The following UNC80 variants were observed in gnomAD, a reference collection of about 807,000 sequenced individuals.
UNC80 encodes unc-80 subunit of NALCN channel complex, also known as protein unc-80 homolog.
UNC80 carries 164 observed loss-of-function variants against 384.6 expected under a neutral mutation model. That is an observed-to-expected ratio of 0.43 (90% CI 0.38 to 0.49). The LOEUF is 0.49. UNC80 is among the 20% of genes least tolerant of loss of function. The pLI is 0.00. For synonymous variants in UNC80, 1,486 were observed against 1,527.8 expected (o/e 0.97, Z 0.64); for missense variants, 3,330 against 4,143.0 (o/e 0.80, Z 5.39).
At chr2:209,938,887 C>T (rs1038113473) in intron 42 of UNC80, among the ~76,000 whole-genome samples, 8 of 152,084 alleles carry the variant, frequency 5.3e-5, no homozygotes, top group Non-Finnish European at 1.2e-4. Flanking sequence ...CAGAAGTTTC[C>T]TCAGTAGCTA....
intron 22 of UNC80, among the ~76,000 whole-genome samples, chr2:209,863,634 G>A (rs1302293867): frequency 6.6e-6 from 1 of 151,636 alleles, no homozygotes; most frequent in Non-Finnish European, 1.5e-5. Flanking sequence ...TTCAGCTATT[G>A]ATACTTGTGT....
intron 7 of UNC80, among the ~76,000 whole-genome samples, chr2:209,812,789 AC>A (rs752971459): frequency 2.0e-4 from 30 of 152,120 alleles, no homozygotes; most frequent in Non-Finnish European, 3.7e-4. Flanking sequence ...AATTTGTTGA[AC>A]CTAAGATACA....
At chr2:209,846,248 A>G (rs575891689) in intron 21 of UNC80, among the ~76,000 whole-genome samples, 1 of 152,296 alleles carries the variant, frequency 6.6e-6, no homozygotes, top group Admixed American at 6.5e-5. Flanking sequence ...TTTAAAAGTT[A>G]TTCAATAAAT....
chr2:209,914,305 G>A (rs1221434575), intron 31 of UNC80, among the ~76,000 whole-genome samples: 2 of 152,188 alleles, frequency 1.3e-5, no homozygotes, highest in African/African-American at 2.4e-5. Context: ...CAAATCTTAT[G>A]TGAGTAATGT....
chr2:209,971,384 G>T (rs1465597953), intron 54 of UNC80, among the ~76,000 whole-genome samples: 1 of 148,664 alleles, frequency 6.7e-6, no homozygotes, highest in Non-Finnish European at 1.5e-5. Flanking sequence ...ATGATTGTGG[G>T]TTGAATATTA....
intron 39 of UNC80, among the ~76,000 whole-genome samples, chr2:209,935,406 GAGGTC>G (rs1421247091): frequency 2.0e-5 from 3 of 152,144 alleles, no homozygotes; most frequent in Non-Finnish European, 1.5e-5. Flanking sequence ...TGGATTGCTT[GAGGTC>G]AGGAGTTTGA....
intron 22 of UNC80, among the ~76,000 whole-genome samples, chr2:209,866,146 T>C (rs2083743523): frequency 1.3e-5 from 2 of 152,230 alleles, no homozygotes; most frequent in South Asian, 2.1e-4. Flanking sequence ...TCTCAACTTA[T>C]CTTTTCAATA....
intron 7 of UNC80, among the ~76,000 whole-genome samples, chr2:209,812,204 C>A (rs1016269590): frequency 2.6e-4 from 40 of 151,514 alleles, no homozygotes; most frequent in South Asian, 1.0e-3. Flanking sequence ...CGCCCGCCAC[C>A]AAGAGCGGCT....
At chr2:209,850,163 T>C (rs1015338524) in intron 22 of UNC80, among the ~76,000 whole-genome samples, 2 of 152,096 alleles carry the variant, frequency 1.3e-5, no homozygotes. Context: ...CTTTGAACAT[T>C]GTGTGCTATT....
At position 209,912,885 on chromosome 2, in the gene UNC80, C is replaced by T. The variant is rs535856733; in HGVS notation, c.4890+218C>T. On this transcript the variant is annotated intron_variant, in intron 30 of 64. Transcript: ENST00000673920. Reference sequence around the variant, plus strand: ...TTCCACAGACAAGGCTTGGGAACTTCGGTTCGAACCACAGCTCTCCCCACT... The same window carrying T: ...TTCCACAGACAAGGCTTGGGAACTTTGGTTCGAACCACAGCTCTCCCCACT... 2.6e-4 allele frequency among the ~76,000 whole-genome samples: 39 copies of T among 152,190 alleles called. No homozygotes were observed. The South Asian group carries it at 7.7e-3, about 30-fold the overall frequency.
chr2:209,886,852 A>G (rs2085856163), intron 25 of UNC80, among the ~76,000 whole-genome samples: 3 of 152,096 alleles, frequency 2.0e-5, no homozygotes, highest in Admixed American at 2.0e-4. Context: ...CAGCACAAAC[A>G]TGTCACAGTT....
intron 35 of UNC80, among the ~76,000 whole-genome samples, chr2:209,925,832 GACTGAGAATGACAGT>G (rs1559340372): frequency 6.6e-6 from 1 of 151,870 alleles, no homozygotes; most frequent in Non-Finnish European, 1.5e-5. Flanking sequence ...TCAAAGCCCA[GACTGAGAATGACAGT>G]ATAAGTCTCT....
chr2:209,951,856 C>T (rs1367162792), intron 47 of UNC80, among the ~76,000 whole-genome samples: 2 of 152,076 alleles, frequency 1.3e-5, no homozygotes, highest in East Asian at 1.9e-4. Context: ...TAACCACATG[C>T]TCTATATATG....
intron 6 of UNC80, among the ~76,000 whole-genome samples, chr2:209,792,270 C>T (rs1448837560): frequency 1.3e-5 from 2 of 152,238 alleles, no homozygotes; most frequent in African/African-American, 2.4e-5. Context: ...CACCACTGCA[C>T]TCCAGACTGG....
In UNC80 at chr2:209,994,173, C is replaced by A; in HGVS notation, c.9617C>A (p.Pro3206His). The change falls in exon 64 of 65, where the codon CCT (proline) becomes CAT (histidine). Residue 3206 changes from proline (P) to histidine (H), a missense_variant. Pro to His is a moderately conservative substitution (Grantham distance 77). Coordinates refer to ENST00000673920, the MANE Select transcript of UNC80 (RefSeq NM_001371986.1). ...CAACTACAGGGCTGTAGCCCAGCCC[C>A]TTCTAGGAAACCAGAAGCAATGGAC... Reference protein sequence around the residue: ...TGQLQGCSPAPSRKPEAMDEP... With the variant: ...TGQLQGCSPAHSRKPEAMDEP... The A allele has an allele frequency of 6.4e-7, 1 of 1,551,534 alleles. No individual in the cohort carries two copies. Among genetic ancestry groups the A allele is most frequent in the Non-Finnish European group, 8.7e-7 (1 of 1,146,952 alleles).
intron 4 of UNC80, among the ~76,000 whole-genome samples, chr2:209,781,277 A>G (rs964134939): frequency 2.0e-5 from 3 of 152,170 alleles, no homozygotes; most frequent in African/African-American, 4.8e-5. Context: ...GGATGTGTGT[A>G]TCTTTGTCTC....
At chr2:209,898,927 C>T (rs936901779) in intron 28 of UNC80, among the ~76,000 whole-genome samples, 2 of 152,136 alleles carry the variant, frequency 1.3e-5, no homozygotes, top group African/African-American at 4.8e-5. Flanking sequence ...CAGTTCTATC[C>T]ATGTTGTTGC....
At chr2:209,866,517 CACACACACACACACACAGAGAG>C (rs2083810835) in intron 22 of UNC80, among the ~76,000 whole-genome samples, 1 of 140,470 alleles carries the variant, frequency 7.1e-6, no homozygotes, top group South Asian at 2.4e-4. Flanking sequence ...CACACACACA[CACACACACACACACACAGAGAG>C]AGAGAGAGAG....
intron 17 of UNC80, 64 bp from the exon 18 acceptor site, chr2:209,834,848 G>A: frequency 7.6e-7 from 1 of 1,316,360 alleles, no homozygotes; most frequent in Non-Finnish European, 1.1e-6. Flanking sequence ...TTTATGAAGT[G>A]TATGAAGTAT....
Sources: gnomAD v4.1 joint callset for allele counts (sites outside exome capture counted in the v4.1 genomes callset) on GRCh38, gnomAD v4.1.1 for gene constraint, MANE v1.5 for transcripts, NCBI Gene and HGNC (gene_info 2026-07-23, HGNC 2026-07-21) for gene names.